The following ZNF423 variants were observed in gnomAD, a reference collection of about 807,000 sequenced individuals.
ZNF423 encodes zinc finger protein 423, also known as Ebf-associated zinc finger protein.
In ZNF423, 12 loss-of-function variants were observed where a neutral mutation model predicts 95.8. The observed-to-expected ratio is 0.13, with a 90% CI of 0.08 to 0.20. The LOEUF (loss-of-function observed/expected upper bound fraction) is 0.20, where lower values mean the gene tolerates loss of function less well. Among genes scored for constraint, ZNF423 ranks in the 10% least tolerant of loss-of-function variants. ZNF423 has a pLI of 1.00. For missense variants in ZNF423, 1,316 were observed against 1,737.1 expected, an observed-to-expected ratio of 0.76 and a Z score of 4.31; for synonymous variants, 749 against 711.9, an observed-to-expected ratio of 1.05 and a Z score of -0.83.
At chr16:49,832,574 G>C (rs921793991) in intron 1 of ZNF423, among the ~76,000 whole-genome samples, 1 of 152,200 alleles carries the variant, frequency 6.6e-6, no homozygotes, top group African/African-American at 2.4e-5. Flanking sequence ...TGGGGCAAGA[G>C]GGGGAAGGGT....
In ZNF423 at chr16:49,636,716, G is replaced by A. The variant is rs1972733540; in HGVS notation, c.2460C>T (p.Cys820=). 2 of 1,614,018 alleles carry A rather than the reference G, an allele frequency of 1.2e-6. No individual in the cohort carries two copies. The highest frequency in any genetic ancestry group is 2.2e-5 in the East Asian group (1 of 44,882). ...THSKKYNCKF[C]SKAFHAIILL... ...GGATGATGGCGTGGAAGGCCTTGCT[G>A]CAGAACTTACAGTTATACTTCTTGC... Residue 820 remains cysteine (C), a synonymous_variant, in exon 4 of 8, where the codon TGC becomes TGT. Coordinates refer to ENST00000563137, the MANE Select transcript of ZNF423 (RefSeq NM_001379286.1). This position sits in a 1 kb window ranked among gnomAD's most constrained non-coding sequence, Gnocchi z 8.6.
intron 1 of ZNF423, chr16:49,853,914 C>T: frequency 5.1e-6 from 5 of 985,384 alleles, no homozygotes; most frequent in Non-Finnish European, 6.0e-6. Flanking sequence ...AATCAACTGC[C>T]TGAGTTAAAT....
intron 2 of ZNF423, among the ~76,000 whole-genome samples, chr16:49,754,359 G>A (rs2033687093): frequency 6.6e-6 from 1 of 152,182 alleles, no homozygotes; most frequent in Non-Finnish European, 1.5e-5. Context: ...TGGTCCAGAA[G>A]AGATTCTCAA....
At chr16:49,851,472 A>G (rs2035300669) in intron 1 of ZNF423, among the ~76,000 whole-genome samples, 1 of 152,204 alleles carries the variant, frequency 6.6e-6, no homozygotes, top group Non-Finnish European at 1.5e-5. Flanking sequence ...CGATATAGCA[A>G]TTATTGCAAC....
chr16:49,742,359 AG>A (rs1294908667), intron 2 of ZNF423, among the ~76,000 whole-genome samples: 4 of 152,148 alleles, frequency 2.6e-5, no homozygotes, highest in Admixed American at 2.6e-4. Flanking sequence ...GGAGGGAAGC[AG>A]GGGGGAGAAA....
chr16:49,856,221 C>CCACCCT, upstream of ZNF423: 1 of 139,014 alleles, frequency 7.2e-6, no homozygotes, highest in African/African-American at 2.7e-5. Flanking sequence ...CACCCTACCG[C>CCACCCT]CACCCTCACC....
intron 3 of ZNF423, among the ~76,000 whole-genome samples, chr16:49,644,714 G>C (rs1426593586): frequency 7.0e-6 from 1 of 142,066 alleles, no homozygotes; most frequent in Non-Finnish European, 1.5e-5. Context: ...GCCTACAGAG[G>C]GAACAAGAGC....
chr16:49,765,095 C>T (rs1013464470), intron 2 of ZNF423, among the ~76,000 whole-genome samples: 3 of 152,010 alleles, frequency 2.0e-5, no homozygotes, highest in African/African-American at 7.2e-5. Flanking sequence ...TTCTTGGTTA[C>T]CTTTCTCTAC....
At chr16:49,643,617 A>G (rs1427534507) in intron 3 of ZNF423, among the ~76,000 whole-genome samples, 1 of 146,442 alleles carries the variant, frequency 6.8e-6, no homozygotes, top group Non-Finnish European at 1.5e-5. Flanking sequence ...ATGACTAATG[A>G]CAGACCCATG....
At chr16:49,661,779 T>A (rs1190393695) in intron 3 of ZNF423, among the ~76,000 whole-genome samples, 1 of 152,138 alleles carries the variant, frequency 6.6e-6, no homozygotes. Context: ...GGCATCAGGA[T>A]CATGTCCAGG....
At chr16:49,610,943 G>A (rs1971701245) in intron 5 of ZNF423, among the ~76,000 whole-genome samples, 1 of 151,816 alleles carries the variant, frequency 6.6e-6, no homozygotes, top group African/African-American at 2.4e-5. Context: ...ATGATAAAGG[G>A]GTCAATCTAC....
rs577434103 is a variant in ZNF423 at position 49,693,650 on chromosome 16, C to T, written c.301+37121G>A. Among the ~76,000 whole-genome samples, 156 of 152,278 alleles carry T rather than the reference C, an allele frequency of 1.0e-3. 8 individuals carry two copies. The South Asian group carries it at 0.03, about 29-fold the overall frequency. The stretch of plus-strand genomic sequence containing the variant: ...GCTTAAGGATGAATACATGACCAAT[C>T]CAGGCCAATCAGCGTGAATCCTGAG... On this transcript the variant is annotated intron_variant, in intron 3 of 7. Coordinates refer to ENST00000563137, the MANE Select transcript of ZNF423 (RefSeq NM_001379286.1).
intron 3 of ZNF423, among the ~76,000 whole-genome samples, chr16:49,657,845 G>A (rs1194958191): frequency 6.6e-6 from 1 of 152,188 alleles, no homozygotes; most frequent in Non-Finnish European, 1.5e-5. Context: ...ACAGATGGTG[G>A]TGTCAGACTT....
chr16:49,596,581 G>T (rs916436577), intron 5 of ZNF423, among the ~76,000 whole-genome samples: 1 of 152,192 alleles, frequency 6.6e-6, no homozygotes, highest in African/African-American at 2.4e-5. Context: ...TCAATATATG[G>T]AAATGGAAAA....
chr16:49,686,349 G>T (rs972822708), intron 3 of ZNF423, among the ~76,000 whole-genome samples: 26 of 152,124 alleles, frequency 1.7e-4, no homozygotes, highest in African/African-American at 6.0e-4. Context: ...TGCAAGGCGG[G>T]TCTCACAGAG....
At chr16:49,537,486 C>T (rs1361691859) in intron 5 of ZNF423, among the ~76,000 whole-genome samples, 6 of 152,202 alleles carry the variant, frequency 3.9e-5, no homozygotes, top group Non-Finnish European at 7.3e-5. Flanking sequence ...GAAATTCAAA[C>T]GCAACATGGA....
chr16:49,799,616 G>C (rs2034551036), intron 1 of ZNF423, among the ~76,000 whole-genome samples: 2 of 152,140 alleles, frequency 1.3e-5, no homozygotes, highest in South Asian at 2.1e-4. Flanking sequence ...AGAAAGGCTA[G>C]GAGATCTCTG....
chr16:49,756,246 G>C (rs1261007660), intron 2 of ZNF423, among the ~76,000 whole-genome samples: 1 of 152,158 alleles, frequency 6.6e-6, no homozygotes, highest in Non-Finnish European at 1.5e-5. Context: ...CACCAGTTAC[G>C]ACAGCCTGTG....
intron 4 of ZNF423, among the ~76,000 whole-genome samples, chr16:49,631,016 C>T (rs1221551760): frequency 1.3e-5 from 2 of 152,138 alleles, no homozygotes; most frequent in Admixed American, 6.5e-5. Flanking sequence ...CACAGACACA[C>T]CCGCAACCCC....
Sources: gnomAD v4.1 joint callset for allele counts (sites outside exome capture counted in the v4.1 genomes callset) on GRCh38, gnomAD v4.1.1 for gene constraint, Gnocchi (gnomAD v3.1) non-coding constraint, MANE v1.5 for transcripts, NCBI Gene and HGNC (gene_info 2026-07-23, HGNC 2026-07-21) for gene names.